The following ACAP2 variants were observed in gnomAD, a reference collection of about 807,000 sequenced individuals.
ACAP2 encodes ArfGAP with coiled-coil, ankyrin repeat and PH domains 2.
Under a neutral mutation model 115.8 loss-of-function variants are expected in ACAP2, and 39 were observed. That is an observed-to-expected ratio of 0.34 (90% CI 0.26 to 0.44). The LOEUF is 0.44. Among genes scored for constraint, ACAP2 ranks in the 20% least tolerant of loss-of-function variants. The pLI is 1.00. For synonymous variants in ACAP2, 289 were observed against 315.8 expected (o/e 0.92, Z 0.90); for missense variants, 662 against 927.6 (o/e 0.71, Z 3.72).
At position 195,342,661 on chromosome 3, in the gene ACAP2, A is replaced by G; in HGVS notation, c.345-7T>C. 6.3e-7 allele frequency: 1 copy of G among 1,579,666 alleles called. No homozygotes were observed. The highest frequency in any genetic ancestry group is 8.5e-7 in the Non-Finnish European group (1 of 1,169,988). Reference sequence around the variant, plus strand: ...TTTGAATTTTCTAAGATCTCTAAGAAAAGAAAAACTTAGTGAAACTTTTAT... The same window carrying G: ...TTTGAATTTTCTAAGATCTCTAAGAGAAGAAAAACTTAGTGAAACTTTTAT... On this transcript the variant is annotated splice_region_variant and splice_polypyrimidine_tract_variant and intron_variant, in intron 5 of 22. Transcript: ENST00000326793.
intron 4 of ACAP2, among the ~76,000 whole-genome samples, chr3:195,370,793 A>C (rs1041509632): frequency 1.3e-5 from 2 of 152,096 alleles, no homozygotes; most frequent in Non-Finnish European, 2.9e-5. Context: ...TATACTAAAA[A>C]TACAAAAAAT....
intron 4 of ACAP2, among the ~76,000 whole-genome samples, chr3:195,360,123 G>A (rs1732253436): frequency 6.6e-6 from 1 of 152,186 alleles, no homozygotes; most frequent in East Asian, 1.9e-4. Flanking sequence ...ATAATCTGTT[G>A]CTTACAAGAG....
At position 195,337,861 on chromosome 3, in the gene ACAP2, A is replaced by G. The variant is rs1730611192; in HGVS notation, c.529-885T>C. On this transcript the variant is annotated intron_variant, in intron 6 of 22. Coordinates refer to ENST00000326793, the MANE Select transcript of ACAP2 (RefSeq NM_012287.6). ...GGCCCCTACCTACCTTACCTCTTCG[A>G]CCTAGTTTTCTATTACCTTCCCACT... Among the ~76,000 whole-genome samples the G allele has an allele frequency of 2.0e-5, 3 of 147,432 alleles. No homozygotes were observed. The South Asian group carries it at 6.9e-4, about 34-fold the overall frequency.
chr3:195,324,439 A>C (rs1302027444), intron 9 of ACAP2, among the ~76,000 whole-genome samples: 2 of 152,026 alleles, frequency 1.3e-5, no homozygotes, highest in Non-Finnish European at 2.9e-5. Context: ...TCTCTACCTC[A>C]CACCACACAC....
At chr3:195,295,481 CA>C in intron 17 of ACAP2, 1 of 595,132 alleles carries the variant, frequency 1.7e-6, no homozygotes. Flanking sequence ...GCATTTTAAG[CA>C]GTTTTATTCC....
intron 10 of ACAP2, 39 bp from the exon 11 acceptor site, chr3:195,308,876 A>G: frequency 6.6e-7 from 1 of 1,526,258 alleles, no homozygotes; most frequent in Non-Finnish European, 9.0e-7. Context: ...TCATAAACAT[A>G]ATTTATTTCC....
chr3:195,299,964 CA>C (rs11326403), intron 15 of ACAP2, among the ~76,000 whole-genome samples: 75,018 of 150,754 alleles, frequency 0.5, 19,711 homozygotes, highest in Middle Eastern at 0.7. Context: ...GAGTGAATTT[CA>C]AAAAAAATTA....
intron 15 of ACAP2, among the ~76,000 whole-genome samples, chr3:195,298,438 T>C (rs1451105502): frequency 1.3e-5 from 2 of 151,936 alleles, no homozygotes; most frequent in African/African-American, 2.4e-5. Flanking sequence ...GTATTTGTAG[T>C]AGAGACAGGG....
chr3:195,312,761 G>A (rs932673355), intron 10 of ACAP2, among the ~76,000 whole-genome samples: 1 of 152,148 alleles, frequency 6.6e-6, no homozygotes, highest in Non-Finnish European at 1.5e-5. Context: ...GAGGAGATGT[G>A]CAACTAAAAG....
intron 4 of ACAP2, among the ~76,000 whole-genome samples, chr3:195,355,285 T>C (rs953156659): frequency 7.3e-5 from 11 of 149,766 alleles, no homozygotes; most frequent in Admixed American, 2.0e-4. Flanking sequence ...TTTCTTCTTT[T>C]TTTTTTTTTT....
At chr3:195,391,984 G>A in intron 2 of ACAP2, 106 bp downstream of exon 2, 3 of 855,852 alleles carry the variant, frequency 3.5e-6, no homozygotes, top group Non-Finnish European at 5.5e-6. Context: ...GACAGAGTGA[G>A]ACTCTGTCTC....
At chr3:195,354,712 G>A (rs1731840675) in intron 4 of ACAP2, among the ~76,000 whole-genome samples, 1 of 152,122 alleles carries the variant, frequency 6.6e-6, no homozygotes, top group African/African-American at 2.4e-5. Flanking sequence ...TGTTGCAGTT[G>A]CTCTTAGCAA....
intron 4 of ACAP2, among the ~76,000 whole-genome samples, chr3:195,355,166 C>T (rs1731871257): frequency 6.6e-6 from 1 of 152,040 alleles, no homozygotes; most frequent in Non-Finnish European, 1.5e-5. Context: ...AGGCTATATA[C>T]TTTTAATACT....
At position 195,389,993 on chromosome 3, in the gene ACAP2, C is replaced by T. The variant is rs1209936941; in HGVS notation, c.111+2097G>A. Reference sequence around the variant, plus strand: ...GGCGGATTGCCTGAGCACAGGAGTTCGAGACCAGTCTGGCCAACACGGTGA... The same window carrying T: ...GGCGGATTGCCTGAGCACAGGAGTTTGAGACCAGTCTGGCCAACACGGTGA... On this transcript the variant is annotated intron_variant, in intron 2 of 22. Coordinates refer to ENST00000326793, the MANE Select transcript of ACAP2 (RefSeq NM_012287.6). Among the ~76,000 whole-genome samples the T allele has an allele frequency of 3.9e-5, 6 of 152,272 alleles. No homozygotes were observed. In the East Asian group the frequency reaches 5.8e-4, roughly 15 times the overall value.
At chr3:195,428,982 C>T (rs1029814392) in intron 1 of ACAP2, among the ~76,000 whole-genome samples, 4 of 152,068 alleles carry the variant, frequency 2.6e-5, no homozygotes, top group Non-Finnish European at 4.4e-5. Flanking sequence ...TAAGAATGTT[C>T]GTAACAACTT....
chr3:195,389,668 T>C (rs1379056222), intron 2 of ACAP2, among the ~76,000 whole-genome samples: 1 of 152,126 alleles, frequency 6.6e-6, no homozygotes, highest in Non-Finnish European at 1.5e-5. Context: ...ATGTAATGCC[T>C]CAGGGTAAAA....
chr3:195,442,411 C>A (rs1210818705), intron 1 of ACAP2: 1 of 309,130 alleles, frequency 3.2e-6, no homozygotes, highest in East Asian at 6.2e-5. Context: ...CAAGAAGGGG[C>A]GGAAGGAAGG....
chr3:195,282,364 G>A (rs1560196257), intron 22 of ACAP2: 1 of 152,140 alleles, frequency 6.6e-6, no homozygotes, highest in Non-Finnish European at 1.5e-5. Flanking sequence ...TAATACAAAA[G>A]GAAGTTGCCA....
chr3:195,354,963 G>A (rs922631133), intron 4 of ACAP2, among the ~76,000 whole-genome samples: 1 of 152,060 alleles, frequency 6.6e-6, no homozygotes, highest in Non-Finnish European at 1.5e-5. Context: ...TCCCAGGTTC[G>A]AGCAATTCTT....
Sources: allele counts gnomAD v4.1 joint callset (sites outside exome capture counted in the v4.1 genomes callset), GRCh38; gene constraint gnomAD v4.1.1; transcripts MANE v1.5; gene names NCBI Gene and HGNC (gene_info 2026-07-23, HGNC 2026-07-21).